The following SRRM1 variants were observed in gnomAD, a reference collection of about 807,000 sequenced individuals.
The protein encoded by SRRM1 is serine/arginine repetitive matrix protein 1.
In SRRM1, 19 loss-of-function variants were observed where a neutral mutation model predicts 110.2. That is an observed-to-expected ratio of 0.17 (90% confidence interval 0.12 to 0.25). The LOEUF (loss-of-function observed/expected upper bound fraction) is 0.25. Among genes scored for constraint, SRRM1 ranks in the 10% least tolerant of loss-of-function variants. The pLI, the probability that SRRM1 is intolerant of heterozygous loss-of-function variation, is 1.00. For synonymous variants in SRRM1, 443 were observed against 414.9 expected (o/e 1.07, Z -0.82); for missense variants, 918 against 1,145.8 (o/e 0.80, Z 2.87).
intron 13 of SRRM1, 40 bp downstream of exon 13, chr1:24,666,965 TC>T: frequency 2.5e-6 from 3 of 1,206,790 alleles, no homozygotes; most frequent in Non-Finnish European, 2.3e-6. Context: ...TCTCCCCAAC[TC>T]CCCCCGCCCC....
intron 1 of SRRM1, among the ~76,000 whole-genome samples, chr1:24,644,123 G>C (rs1655761180): frequency 2.0e-5 from 3 of 152,086 alleles, no homozygotes; most frequent in Non-Finnish European, 4.4e-5. Context: ...GAGTCCGCTG[G>C]TGAAAGGTAA....
intron 8 of SRRM1, chr1:24,654,469 AG>A: frequency 2.5e-6 from 2 of 809,352 alleles, no homozygotes; most frequent in Non-Finnish European, 3.5e-6. Flanking sequence ...TGCAACCTAA[AG>A]GTTTCTCAAC....
intron 10 of SRRM1, 97 bp downstream of exon 10, chr1:24,660,896 C>G (rs1570949084): frequency 1.2e-6 from 1 of 814,422 alleles, no homozygotes. Flanking sequence ...TCCCCTTCTG[C>G]TTGAAGATTA....
intron 4 of SRRM1, 53 bp from the exon 5 acceptor site, chr1:24,649,918 A>G (rs923748265): frequency 7.2e-5 from 105 of 1,458,712 alleles, no homozygotes; most frequent in South Asian, 2.8e-4. Context: ...AGTAGTCTTC[A>G]GTTTGTTCTC....
intron 8 of SRRM1, chr1:24,654,365 C>G (rs1339371622): frequency 3.9e-6 from 5 of 1,289,092 alleles, no homozygotes; most frequent in Non-Finnish European, 5.1e-6. Flanking sequence ...TGCAACAGAA[C>G]TTAACACAAA....
intron 9 of SRRM1, 42 bp from the exon 10 acceptor site, chr1:24,660,677 T>C (rs535174099): frequency 8.6e-7 from 1 of 1,166,306 alleles, no homozygotes; most frequent in Non-Finnish European, 1.2e-6. Context: ...GTATAGACCT[T>C]TTTTTGTACG....
rs202222994 is a variant in SRRM1 at position 24,646,655 on chromosome 1, A to G, written c.112-12A>G. The G allele has an allele frequency of 1.9e-5, 30 of 1,572,754 alleles. No individual in the cohort carries two copies. In the Middle Eastern group the frequency reaches 1.1e-3, roughly 58 times the overall value. ...TGTGAAGTTGTACTTAATTGTTTCTATGTTTCATCAGGTGGACATGAGCAA... is the reference window on the plus strand; with the variant it reads ...TGTGAAGTTGTACTTAATTGTTTCTGTGTTTCATCAGGTGGACATGAGCAA... On this transcript the variant is annotated splice_polypyrimidine_tract_variant and intron_variant, in intron 2 of 16. Transcript: ENST00000323848.
intron 13 of SRRM1, 24 bp from the exon 14 acceptor site, chr1:24,669,099 C>T (rs1226967803): frequency 6.3e-7 from 1 of 1,591,624 alleles, no homozygotes. Flanking sequence ...AGCCTTTCAG[C>T]TTAATTATGT....
chr1:24,657,531 T>C (rs1403473922), intron 9 of SRRM1, among the ~76,000 whole-genome samples: 1 of 152,204 alleles, frequency 6.6e-6, no homozygotes, highest in South Asian at 2.1e-4. Context: ...ATCATTGAAA[T>C]GTAATAGATA....
intron 9 of SRRM1, among the ~76,000 whole-genome samples, chr1:24,659,799 A>G (rs530932585): frequency 4.1e-4 from 63 of 152,274 alleles, no homozygotes; most frequent in African/African-American, 1.5e-3. Context: ...TAGTTACCAT[A>G]TTTCTATGTT....
intron 9 of SRRM1, among the ~76,000 whole-genome samples, 172 bp from the exon 10 acceptor site, chr1:24,660,547 G>A (rs935846882): frequency 2.6e-5 from 4 of 152,146 alleles, no homozygotes; most frequent in Non-Finnish European, 5.9e-5. Context: ...CACTTTGGGA[G>A]GCTCAGGCAG....
At chr1:24,644,055 C>G (rs1031006274) in intron 1 of SRRM1, among the ~76,000 whole-genome samples, 1 of 152,140 alleles carries the variant, frequency 6.6e-6, no homozygotes, top group African/African-American at 2.4e-5. Flanking sequence ...TGGAGTGATT[C>G]AATTCCTTCC....
intron 11 of SRRM1, among the ~76,000 whole-genome samples, chr1:24,662,118 T>C (rs976145806): frequency 6.6e-6 from 1 of 152,072 alleles, no homozygotes; most frequent in East Asian, 1.9e-4. Flanking sequence ...ATAATAATAA[T>C]CTACCCTATT....
rs1661643852 is a variant in SRRM1, at chr1:24,652,648, T to A, written c.920+20T>A. The A allele has an allele frequency of 6.3e-7, 1 of 1,576,112 alleles. No homozygotes were observed. Among genetic ancestry groups the A allele is most frequent in the Non-Finnish European group, 8.6e-7 (1 of 1,164,658 alleles). On this transcript the variant is annotated intron_variant, in intron 7 of 16. Coordinates refer to ENST00000323848, the MANE Select transcript of SRRM1 (RefSeq NM_005839.4). ...ATCAAGGTGAGTTGTGGCTTTAAGATCAACAAAGATCTTAGGTTTTATATA... is the reference window on the plus strand; with the variant it reads ...ATCAAGGTGAGTTGTGGCTTTAAGAACAACAAAGATCTTAGGTTTTATATA...
Position 24,672,404 on chromosome 1 carries a change from A to G in SRRM1, c.*118A>G, listed in dbSNP as rs1343385036. ...ATTTGTTGTAATAATTGCTAGGTTGAAGTTCAACATGTAAAAAAAGGGGGC... is the reference window on the plus strand; with the variant it reads ...ATTTGTTGTAATAATTGCTAGGTTGGAGTTCAACATGTAAAAAAAGGGGGC... On this transcript the variant is annotated 3_prime_UTR_variant, in exon 17 of 17. Coordinates refer to ENST00000323848, the MANE Select transcript of SRRM1 (RefSeq NM_005839.4). 3.0e-6 allele frequency: 2 copies of G among 659,976 alleles called. No individual in the cohort carries two copies. Among genetic ancestry groups the G allele is most frequent in the Non-Finnish European group, 5.1e-6 (2 of 394,234 alleles). 40.9% of individuals were successfully genotyped at this position (659,976 alleles called of 1,614,324 possible).
At chr1:24,670,590 C>T (rs986960017) in intron 15 of SRRM1, among the ~76,000 whole-genome samples, 1 of 152,178 alleles carries the variant, frequency 6.6e-6, no homozygotes, top group Admixed American at 6.5e-5. Flanking sequence ...TTCCTGGACG[C>T]AGGTGATCCC....
chr1:24,672,397 T>C lies in SRRM1; in HGVS notation c.*111T>C. Reference sequence around the variant, plus strand: ...CTATAACATTTGTTGTAATAATTGCTAGGTTGAAGTTCAACATGTAAAAAA... The same window carrying C: ...CTATAACATTTGTTGTAATAATTGCCAGGTTGAAGTTCAACATGTAAAAAA... On this transcript the variant is annotated 3_prime_UTR_variant, in exon 17 of 17. Transcript: ENST00000323848. The C allele has an allele frequency of 2.8e-6, 2 of 708,394 alleles. No homozygotes were observed. Among genetic ancestry groups the C allele is most frequent in the Non-Finnish European group, 4.6e-6 (2 of 435,030 alleles). The allele number at this position is 708,394 out of a possible 1,614,324, so 43.9% of individuals were successfully genotyped here. A position where few individuals can be genotyped will look rare whatever the true frequency, so the allele number is the denominator to read the frequency against.
intron 9 of SRRM1, among the ~76,000 whole-genome samples, chr1:24,657,805 C>T (rs1018366678): frequency 6.6e-6 from 1 of 152,152 alleles, no homozygotes; most frequent in African/African-American, 2.4e-5. Context: ...TTAACATGAT[C>T]AATACTGGTG....
chr1:24,666,973 C>T, intron 13 of SRRM1, 48 bp downstream of exon 13: 1 of 1,127,622 alleles, frequency 8.9e-7, no homozygotes, highest in Non-Finnish European at 1.3e-6. Context: ...ACTCCCCCCG[C>T]CCCTGATAAC....
Sources: gnomAD v4.1 joint callset for allele counts (sites outside exome capture counted in the v4.1 genomes callset) on GRCh38, gnomAD v4.1.1 for gene constraint, MANE v1.5 for transcripts, NCBI Gene and HGNC (gene_info 2026-07-23, HGNC 2026-07-21) for gene names.